The following RAD52 variants were observed in gnomAD, a reference collection of about 807,000 sequenced individuals.
The protein encoded by RAD52 is RAD52 DNA repair protein.
RAD52 carries 47 observed loss-of-function variants against 55.5 expected under a neutral mutation model. The observed-to-expected ratio is 0.85, with a 90% CI of 0.67 to 1.08. The LOEUF (loss-of-function observed/expected upper bound fraction) is 1.08. Ranked by LOEUF, RAD52 falls within the 50% of genes least tolerant of loss-of-function variation. The pLI, the probability that RAD52 is intolerant of heterozygous loss-of-function variation, is 0.00. For missense variants in RAD52, 468 were observed against 522.8 expected (o/e 0.90, Z 1.02); for synonymous variants, 184 against 198.9 (o/e 0.92, Z 0.63).
At chr12:953,589 T>C (rs574955314), upstream of RAD52, among the ~76,000 whole-genome samples, 93 of 152,326 alleles carry the variant, frequency 6.1e-4, 1 homozygote, top group African/African-American at 2.1e-3. Context: ...TGTAGTATTA[T>C]TTACTTCATA....
chr12:927,972 C>T (rs1487779205), intron 5 of RAD52, among the ~76,000 whole-genome samples: 4 of 152,096 alleles, frequency 2.6e-5, no homozygotes, highest in Non-Finnish European at 5.9e-5. Context: ...AGGTGGCGTC[C>T]AGCTCCTGCC....
chr12:948,702 A>G (rs573605611), intron 1 of RAD52, among the ~76,000 whole-genome samples: 9 of 151,838 alleles, frequency 5.9e-5, no homozygotes, highest in African/African-American at 2.2e-4. Context: ...TACGTGAATT[A>G]TAACTTTTTT....
chr12:972,901 T>C (rs554242123), intron 1 of RAD52, among the ~76,000 whole-genome samples: 27 of 150,468 alleles, frequency 1.8e-4, no homozygotes, highest in Non-Finnish European at 4.0e-4. Context: ...AAAGAGTCAA[T>C]GAGGGGGCAA....
rs1958870733 is a variant in RAD52, at chr12:972,313, GA to G, written c.-19+17495del. Among the ~76,000 whole-genome samples, 3 of 152,050 alleles carry G rather than the reference GA, an allele frequency of 2.0e-5. No individual in the cohort carries two copies. The South Asian group carries it at 6.2e-4, about 32-fold the overall frequency. Reference sequence around the variant, plus strand: ...AAATACACATATAGTATATCAGGTGGAGAAAAATAAAACAGGATATGGGGAC... The same window carrying G: ...AAATACACATATAGTATATCAGGTGGGAAAAATAAAACAGGATATGGGGAC... On this transcript the variant is annotated intron_variant, in intron 1 of 11. Coordinates refer to the RAD52 transcript ENST00000430095.
At chr12:978,204 C>T (rs898221095) in intron 1 of RAD52, among the ~76,000 whole-genome samples, 2 of 152,210 alleles carry the variant, frequency 1.3e-5, no homozygotes, top group South Asian at 2.1e-4. Flanking sequence ...CCACCATGCC[C>T]GGCTAATTTT....
intron 1 of RAD52, among the ~76,000 whole-genome samples, chr12:947,886 C>A (rs1339514554): frequency 1.6e-4 from 15 of 91,088 alleles, no homozygotes; most frequent in African/African-American, 4.5e-4. Context: ...AACTTCATCT[C>A]AAAAAAAAAA....
upstream of RAD52, chr12:990,524 CTA>C (rs1278390959): frequency 6.6e-6 from 1 of 152,158 alleles, no homozygotes; most frequent in Non-Finnish European, 1.5e-5. Flanking sequence ...AACGTGGACA[CTA>C]ATTTCCGCCC....
At chr12:934,746 T>C (rs1273769989) in intron 1 of RAD52, among the ~76,000 whole-genome samples, 1 of 152,030 alleles carries the variant, frequency 6.6e-6, no homozygotes, top group African/African-American at 2.4e-5. Flanking sequence ...CCTAAATATA[T>C]ACAATTTTTG....
chr12:984,030 G>C (rs912260942), intron 1 of RAD52, among the ~76,000 whole-genome samples: 2 of 152,118 alleles, frequency 1.3e-5, no homozygotes, highest in East Asian at 3.9e-4. Flanking sequence ...CTATTTTTCA[G>C]TGTATAGTTC....
intron 1 of RAD52, among the ~76,000 whole-genome samples, chr12:989,177 TCTCAA>T (rs1959133435): frequency 1.3e-5 from 2 of 152,298 alleles, no homozygotes; most frequent in East Asian, 3.9e-4. Flanking sequence ...GTCTCCCTGG[TCTCAA>T]CTCTGCTTCT....
chr12:983,705 C>T (rs1017165160), intron 1 of RAD52, among the ~76,000 whole-genome samples: 4 of 152,180 alleles, frequency 2.6e-5, no homozygotes, highest in Admixed American at 2.0e-4. Flanking sequence ...CAGGCATGAG[C>T]CACCGCACGC....
At chr12:917,190 T>G (rs1389345493) in intron 7 of RAD52, among the ~76,000 whole-genome samples, 1 of 152,200 alleles carries the variant, frequency 6.6e-6, no homozygotes, top group Non-Finnish European at 1.5e-5. Flanking sequence ...GGGCCACCCC[T>G]GCAAATCGCG....
chr12:978,239 G>C (rs1458703042), intron 1 of RAD52, among the ~76,000 whole-genome samples: 7 of 151,622 alleles, frequency 4.6e-5, no homozygotes, highest in Admixed American at 2.0e-4. Flanking sequence ...ATTTTTAGTA[G>C]ACACAGGGTT....
intron 1 of RAD52, among the ~76,000 whole-genome samples, chr12:959,408 A>G (rs890653525): frequency 6.6e-6 from 1 of 152,226 alleles, no homozygotes; most frequent in African/African-American, 2.4e-5. Context: ...TTGTGAATGA[A>G]GGAGATAAAG....
chr12:959,855 T>C (rs1958659858), intron 1 of RAD52, among the ~76,000 whole-genome samples: 1 of 152,206 alleles, frequency 6.6e-6, no homozygotes, highest in Admixed American at 6.6e-5. Context: ...TTTCACCCTT[T>C]ACATGGGCTT....
At chr12:929,630 A>G (rs746909662) in intron 5 of RAD52, 189 bp downstream of exon 5, 5 of 778,438 alleles carry the variant, frequency 6.4e-6, no homozygotes, top group Non-Finnish European at 1.2e-5. Context: ...CATGTGCAAG[A>G]GAACAGTTTT....
At chr12:929,266 A>G (rs1257226827) in intron 5 of RAD52, among the ~76,000 whole-genome samples, 1 of 152,208 alleles carries the variant, frequency 6.6e-6, no homozygotes, top group East Asian at 1.9e-4. Flanking sequence ...ATTTCTAATG[A>G]TTAAAAAAAA....
chr12:940,546 G>A (rs1177297409), intron 1 of RAD52, among the ~76,000 whole-genome samples: 2 of 152,090 alleles, frequency 1.3e-5, no homozygotes, highest in Non-Finnish European at 2.9e-5. Flanking sequence ...GCAGTGAGCA[G>A]AGGTTGCAGT....
At position 914,361 on chromosome 12, in the gene RAD52, G is replaced by A. The variant is rs1025939478; in HGVS notation, c.967+70C>T. On this transcript the variant is annotated intron_variant, in intron 10 of 11. Transcript: ENST00000358495. ...ACACGAAAATGAGGATTTTTATGTC[G>A]CCTAAAAGGTATTCTGTGGCTACTA... The A allele has an allele frequency of 3.4e-5, 54 of 1,583,014 alleles. No individual in the cohort carries two copies. The South Asian group carries it at 4.3e-4, about 12-fold the overall frequency.
Sources: gnomAD v4.1 joint callset for allele counts (sites outside exome capture counted in the v4.1 genomes callset) on GRCh38, gnomAD v4.1.1 for gene constraint, MANE v1.5 for transcripts, NCBI Gene and HGNC (gene_info 2026-07-23, HGNC 2026-07-21) for gene names.